The following DLGAP1 variants were observed in gnomAD, a reference collection of about 807,000 sequenced individuals.
The protein encoded by DLGAP1 is disks large-associated protein 1.
A neutral mutation model predicts 90.8 loss-of-function variants in DLGAP1; 11 were observed. The ratio of observed to expected loss-of-function variants is 0.12; its 90% CI spans 0.08 to 0.20. The LOEUF (loss-of-function observed/expected upper bound fraction) is 0.20, where lower values mean the gene tolerates loss of function less well. Among genes scored for constraint, DLGAP1 ranks in the 10% least tolerant of loss-of-function variants. DLGAP1 has a pLI of 1.00. For synonymous variants in DLGAP1, 558 were observed against 540.7 expected, an observed-to-expected ratio of 1.03 and a Z score of -0.44; for missense variants, 1,050 against 1,333.8, an observed-to-expected ratio of 0.79 and a Z score of 3.31.
chr18:3,848,826 T>C (rs3915772), intron 4 of DLGAP1, among the ~76,000 whole-genome samples: 23,884 of 152,186 alleles, frequency 0.16, 1,959 homozygotes, highest in South Asian at 0.24. Flanking sequence ...TTCTAACCGA[T>C]TCTCCTCTTC....
chr18:3,673,355 G>A (rs568432287), intron 7 of DLGAP1, among the ~76,000 whole-genome samples: 1 of 152,212 alleles, frequency 6.6e-6, no homozygotes, highest in South Asian at 2.1e-4. Flanking sequence ...TCATATTCCT[G>A]TTGCCCTCAG....
At chr18:3,641,787 C>T (rs1411256285) in intron 7 of DLGAP1, among the ~76,000 whole-genome samples, 2 of 152,130 alleles carry the variant, frequency 1.3e-5, no homozygotes, top group African/African-American at 4.8e-5. Context: ...GTGGTTGTCT[C>T]ATATGTACTA....
rs960561774 is a variant in DLGAP1, at chr18:3,604,864, A to T, written c.1592-22616T>A. Among the ~76,000 whole-genome samples, 32 of 152,344 alleles carry T rather than the reference A, an allele frequency of 2.1e-4. No individual in the cohort carries two copies. The South Asian group carries it at 6.0e-3, about 29-fold the overall frequency. On this transcript the variant is annotated intron_variant, in intron 7 of 12. Transcript: ENST00000315677. ...GAAAATGTCAGCGTACATCCTGTGTAGAAAAAGTAAGTCTTGTTGTGAAAC... is the reference window on the plus strand; with the variant it reads ...GAAAATGTCAGCGTACATCCTGTGTTGAAAAAGTAAGTCTTGTTGTGAAAC...
chr18:4,195,539 GACT>G (rs1024003458), intron 1 of DLGAP1, among the ~76,000 whole-genome samples: 2 of 151,980 alleles, frequency 1.3e-5, no homozygotes, highest in African/African-American at 4.8e-5. Flanking sequence ...TTTCACAGAT[GACT>G]ACTTTTTATC....
chr18:3,720,704 T>A (rs994530230), intron 7 of DLGAP1, among the ~76,000 whole-genome samples: 1 of 151,930 alleles, frequency 6.6e-6, no homozygotes, highest in Non-Finnish European at 1.5e-5. Context: ...ATGAACTGGA[T>A]CAGACAACTC....
chr18:3,781,015 G>T (rs1353604803), intron 5 of DLGAP1, among the ~76,000 whole-genome samples: 2 of 151,996 alleles, frequency 1.3e-5, no homozygotes, highest in Non-Finnish European at 2.9e-5. Context: ...GTAGAGATGT[G>T]GTCGGTCTTG....
chr18:3,765,303 T>C (rs1246362567), intron 5 of DLGAP1, among the ~76,000 whole-genome samples: 4 of 150,434 alleles, frequency 2.7e-5, no homozygotes, highest in Admixed American at 6.6e-5. Flanking sequence ...GCTAGTTTTT[T>C]GTATTTTTAG....
intron 2 of DLGAP1, among the ~76,000 whole-genome samples, chr18:4,120,700 G>A (rs187206031): frequency 5.0e-4 from 71 of 142,428 alleles, no homozygotes; most frequent in African/African-American, 2.1e-3. Context: ...TGTAATGTCT[G>A]CCTTTCCTTC....
At position 3,735,188 on chromosome 18, in the gene DLGAP1, G is replaced by T. The variant is rs946057009; in HGVS notation, c.1351-5813C>A. ...GTATAATAATACTTATCTCATAGGAGTACTTTAAGGATAAAAATAAAATAA... is the reference window on the plus strand; with the variant it reads ...GTATAATAATACTTATCTCATAGGATTACTTTAAGGATAAAAATAAAATAA... On this transcript the variant is annotated intron_variant, in intron 6 of 12. Transcript: ENST00000315677. Among the ~76,000 whole-genome samples the T allele has an allele frequency of 7.2e-5, 11 of 152,190 alleles. No individual in the cohort carries two copies. In the South Asian group the frequency reaches 2.1e-3, roughly 29 times the overall value.
chr18:4,233,937 A>G (rs555054004), intron 1 of DLGAP1, among the ~76,000 whole-genome samples: 2 of 152,226 alleles, frequency 1.3e-5, no homozygotes, highest in East Asian at 1.9e-4. Flanking sequence ...CTGTCATGCT[A>G]TACTACATCA....
At chr18:4,371,810 C>T (rs1327133754) in intron 1 of DLGAP1, among the ~76,000 whole-genome samples, 1 of 152,176 alleles carries the variant, frequency 6.6e-6, no homozygotes, top group Non-Finnish European at 1.5e-5. Context: ...TCAGCAAGCC[C>T]TTTTGCTGCA....
At chr18:3,929,958 C>T (rs544217148) in intron 3 of DLGAP1, among the ~76,000 whole-genome samples, 4 of 152,254 alleles carry the variant, frequency 2.6e-5, no homozygotes, top group African/African-American at 4.8e-5. Context: ...CCATGAACTG[C>T]CAGATCACTC....
At chr18:4,107,341 C>T (rs918532722) in intron 2 of DLGAP1, among the ~76,000 whole-genome samples, 1 of 152,142 alleles carries the variant, frequency 6.6e-6, no homozygotes, top group Non-Finnish European at 1.5e-5. Flanking sequence ...TAGGGAAAGC[C>T]GTCTGGAAGC....
intron 7 of DLGAP1, among the ~76,000 whole-genome samples, chr18:3,586,704 A>G (rs1004183879): frequency 6.6e-6 from 1 of 152,100 alleles, no homozygotes; most frequent in Admixed American, 6.5e-5. Context: ...TCATTTTCCA[A>G]TTCTTCTGCA....
At chr18:4,366,632 G>A (rs544975917) in intron 1 of DLGAP1, among the ~76,000 whole-genome samples, 4 of 151,522 alleles carry the variant, frequency 2.6e-5, no homozygotes, top group East Asian at 3.9e-4. Context: ...TTAAAAAAAC[G>A]CTGAGAAACA....
At chr18:4,242,689 C>T (rs2078565528) in intron 1 of DLGAP1, among the ~76,000 whole-genome samples, 1 of 152,110 alleles carries the variant, frequency 6.6e-6, no homozygotes, top group Non-Finnish European at 1.5e-5. Context: ...GGGTAATACC[C>T]ACCTGAGGGC....
intron 1 of DLGAP1, among the ~76,000 whole-genome samples, chr18:4,204,897 T>G: frequency 6.6e-6 from 1 of 151,470 alleles, no homozygotes; most frequent in African/African-American, 2.4e-5. Flanking sequence ...TTTTTTGTGG[T>G]TTGTTTTCTT....
At chr18:3,921,521 A>G (rs1280459704) in intron 3 of DLGAP1, among the ~76,000 whole-genome samples, 1 of 152,218 alleles carries the variant, frequency 6.6e-6, no homozygotes, top group East Asian at 1.9e-4. Flanking sequence ...TATTAACTGG[A>G]TGAGTTTCTA....
chr18:3,581,968 G>A lies in DLGAP1; in HGVS notation c.1872C>T (p.Thr624=), dbSNP rs56017170. 0.24 allele frequency: 392,190 copies of A among 1,613,932 alleles called. 51,800 individuals are homozygous for A. The highest frequency in any genetic ancestry group is 0.27 in the Non-Finnish European group (322,678 of 1,179,934). The part of the protein sequence containing the change: ...ASQHMGNNTA[T]VTTTTTIATV... ...TGGCTATGGTAGTCGTGGTGGTGAC[G>A]GTGGCAGTGTTATTGCCCATGTGTT... The change falls in exon 8 of 13, where the codon ACC becomes ACT. Residue 624 remains threonine (T), a synonymous_variant. Coordinates refer to ENST00000315677, the MANE Select transcript of DLGAP1 (RefSeq NM_004746.4).
Sources: allele counts gnomAD v4.1 joint callset (sites outside exome capture counted in the v4.1 genomes callset), GRCh38; gene constraint gnomAD v4.1.1; transcripts MANE v1.5; gene names NCBI Gene and HGNC (gene_info 2026-07-23, HGNC 2026-07-21).